GPM6A: variants seen among roughly 807,000 people sequenced by gnomAD.
GPM6A encodes the protein neuronal membrane glycoprotein M6-a.
GPM6A carries 7 observed loss-of-function variants against 32.1 expected under a neutral mutation model. The observed-to-expected ratio is 0.22, with a 90% CI of 0.12 to 0.41. GPM6A has a LOEUF of 0.41. GPM6A is among the 10% of genes least tolerant of loss of function. The pLI is 1.00. For missense variants in GPM6A, 235 were observed against 347.2 expected (o/e 0.68, Z 2.57); for synonymous variants, 130 against 123.4 (o/e 1.05, Z -0.35).
chr4:175,787,386 G>A, intron 1 of GPM6A: 24 of 1,535,044 alleles, frequency 1.6e-5, no homozygotes, highest in Non-Finnish European at 2.1e-5. Context: ...GGCTCCTTGT[G>A]AACTCTATTT....
At chr4:175,759,089 G>A (rs1732640915) in intron 1 of GPM6A, among the ~76,000 whole-genome samples, 3 of 152,250 alleles carry the variant, frequency 2.0e-5, no homozygotes, top group Non-Finnish European at 4.4e-5. Flanking sequence ...AAACTATTAA[G>A]TGTCCATTGA....
At chr4:175,636,285 T>TAC (rs1740598889) in intron 6 of GPM6A, among the ~76,000 whole-genome samples, 2 of 138,418 alleles carry the variant, frequency 1.4e-5, no homozygotes, top group Non-Finnish European at 1.6e-5. Flanking sequence ...TATATATATA[T>TAC]ATATATATAT....
At chr4:175,802,103 T>C (rs1035203131) in intron 1 of GPM6A, among the ~76,000 whole-genome samples, 34 of 152,092 alleles carry the variant, frequency 2.2e-4, no homozygotes, top group Admixed American at 4.6e-4. Context: ...TCTTTGTGAA[T>C]TAAATTTTCG....
chr4:175,838,174 C>T (rs1029451649), intron 1 of GPM6A, among the ~76,000 whole-genome samples: 3 of 150,584 alleles, frequency 2.0e-5, no homozygotes, highest in Non-Finnish European at 4.4e-5. Context: ...ATCATCAGTT[C>T]TGCTTGAGTT....
intron 1 of GPM6A, among the ~76,000 whole-genome samples, chr4:175,718,706 G>A (rs1315379072): frequency 6.6e-6 from 1 of 152,118 alleles, no homozygotes; most frequent in Non-Finnish European, 1.5e-5. Context: ...AGGAATGTAT[G>A]AAACAGGTTT....
chr4:175,949,174 T>G (rs1273932389), intron 1 of GPM6A, among the ~76,000 whole-genome samples: 1 of 152,182 alleles, frequency 6.6e-6, no homozygotes, highest in Non-Finnish European at 1.5e-5. Context: ...CCATGGGTAG[T>G]GTGATAAGAA....
rs115839802 is a variant in GPM6A, at chr4:175,653,097, A to G, written c.388-1110T>C. 7.7e-3 allele frequency among the ~76,000 whole-genome samples: 1,180 copies of G among 152,258 alleles called. 14 individuals carry two copies. Among genetic ancestry groups the G allele is most frequent in the African/African-American group, 0.026 (1,065 of 41,568 alleles). On this transcript the variant is annotated intron_variant, in intron 3 of 6. Coordinates refer to ENST00000393658, the MANE Select transcript of GPM6A (RefSeq NM_201591.3). The stretch of plus-strand genomic sequence containing the variant: ...CCCCACGATTTAGGTGAAATCTCAA[A>G]CAAGTCAAACTTATTCAATAACCCT...
At chr4:176,002,273 T>G in intron 1 of GPM6A, 1 of 1,595,518 alleles carries the variant, frequency 6.3e-7, no homozygotes, top group East Asian at 2.3e-5. Context: ...AGGCCGAGCC[T>G]TTGGGCGAGG....
intron 1 of GPM6A, among the ~76,000 whole-genome samples, chr4:175,777,241 G>A (rs1313562469): frequency 6.6e-6 from 1 of 152,012 alleles, no homozygotes; most frequent in Non-Finnish European, 1.5e-5. Flanking sequence ...GCAAGGTCCT[G>A]ACATATTAAC....
chr4:175,948,552 C>T (rs1459371907), intron 1 of GPM6A, among the ~76,000 whole-genome samples: 1 of 152,194 alleles, frequency 6.6e-6, no homozygotes, highest in African/African-American at 2.4e-5. Flanking sequence ...CTGATTCTAC[C>T]TCCTTTACAT....
chr4:175,649,783 A>G (rs964684675), intron 4 of GPM6A, among the ~76,000 whole-genome samples: 1 of 152,182 alleles, frequency 6.6e-6, no homozygotes, highest in African/African-American at 2.4e-5. Context: ...ATAAAGAACA[A>G]ATCATTTTAG....
At chr4:175,656,491 C>T (rs980668961) in intron 3 of GPM6A, among the ~76,000 whole-genome samples, 2 of 151,862 alleles carry the variant, frequency 1.3e-5, no homozygotes, top group African/African-American at 4.8e-5. Flanking sequence ...TAAATAAAAC[C>T]ACATGTAATT....
intron 1 of GPM6A, among the ~76,000 whole-genome samples, chr4:175,837,989 T>C (rs1489611207): frequency 5.9e-5 from 9 of 151,816 alleles, no homozygotes; most frequent in African/African-American, 2.2e-4. Context: ...AAAAGGAATA[T>C]CTGCAGTCAG....
intron 1 of GPM6A, among the ~76,000 whole-genome samples, chr4:175,873,045 C>A (rs1490667918): frequency 6.6e-6 from 1 of 151,972 alleles, no homozygotes; most frequent in Non-Finnish European, 1.5e-5. Context: ...TAAAATAATA[C>A]AATTTTATTT....
chr4:175,848,569 T>C (rs1736159331), intron 1 of GPM6A, among the ~76,000 whole-genome samples: 1 of 152,116 alleles, frequency 6.6e-6, no homozygotes, highest in Non-Finnish European at 1.5e-5. Flanking sequence ...GAGACTAGAG[T>C]TACACATAAT....
chr4:175,770,288 A>C (rs557464426), intron 1 of GPM6A, among the ~76,000 whole-genome samples: 1 of 152,154 alleles, frequency 6.6e-6, no homozygotes, highest in Non-Finnish European at 1.5e-5. Flanking sequence ...GGCCTCCCAA[A>C]GTGCTGGGGT....
chr4:175,654,167 C>G (rs1741949104), intron 3 of GPM6A: 1 of 152,150 alleles, frequency 6.6e-6, no homozygotes, highest in Non-Finnish European at 1.5e-5. Context: ...TTCTAATATG[C>G]AAGAGGTAGA....
At chr4:175,925,850 C>CTTTCT (rs1738821462) in intron 1 of GPM6A, among the ~76,000 whole-genome samples, 8 of 135,106 alleles carry the variant, frequency 5.9e-5, no homozygotes, top group African/African-American at 1.9e-4. Context: ...CTTTTCTTTT[C>CTTTCT]TTTTTTTTTT....
chr4:175,679,490 C>CT (rs1487124567), intron 2 of GPM6A, among the ~76,000 whole-genome samples: 1 of 152,100 alleles, frequency 6.6e-6, no homozygotes, highest in African/African-American at 2.4e-5. Flanking sequence ...TGAGGAGATA[C>CT]TTTAAGACCA....
Sources: gnomAD v4.1 joint callset for allele counts (sites outside exome capture counted in the v4.1 genomes callset) on GRCh38, gnomAD v4.1.1 for gene constraint, MANE v1.5 for transcripts, NCBI Gene and HGNC (gene_info 2026-07-23, HGNC 2026-07-21) for gene names.